USH1C: variants seen among roughly 807,000 people sequenced by gnomAD.
USH1C encodes harmonin.
A neutral mutation model predicts 119.3 loss-of-function variants in USH1C; 90 were observed. That is an observed-to-expected ratio of 0.75 (90% CI 0.64 to 0.90). The LOEUF is 0.90. Ranked by LOEUF, USH1C falls within the 40% of genes least tolerant of loss-of-function variation. The pLI is 0.00. For synonymous variants in USH1C, 465 were observed against 443.3 expected (o/e 1.05, Z -0.62); for missense variants, 1,165 against 1,167.7 (o/e 1.00, Z 0.03).
At chr11:17,529,715 T>G (rs773838051) in intron 4 of USH1C, among the ~76,000 whole-genome samples, 42 of 152,320 alleles carry the variant, frequency 2.8e-4, no homozygotes, top group Non-Finnish European at 5.0e-4. Flanking sequence ...AAGGGCCCTT[T>G]GTGCAAGGGC....
chr11:17,523,483 T>C lies in USH1C; in HGVS notation c.760-5A>G. 1 of 1,613,968 alleles carries C rather than the reference T, an allele frequency of 6.2e-7. No individual in the cohort carries two copies. The highest frequency in any genetic ancestry group is 8.5e-7 in the Non-Finnish European group (1 of 1,179,930). On this transcript the variant is annotated splice_polypyrimidine_tract_variant and splice_region_variant and intron_variant, in intron 9 of 26. Transcript: ENST00000005226. ...TTCGACAATCTGGTCCCCTATCTGG[T>C]GGGGAAATGGAGAAAGATTAGTGTG...
At chr11:17,504,402 T>A (rs919243990) in intron 20 of USH1C, among the ~76,000 whole-genome samples, 8 of 152,154 alleles carry the variant, frequency 5.3e-5, no homozygotes, top group Non-Finnish European at 1.2e-4. Context: ...AGAGGTGAGT[T>A]CCCAGGGATA....
chr11:17,505,857 G>A lies in USH1C; in HGVS notation c.2106C>T (p.Tyr702=), dbSNP rs1201079355. The A allele has an allele frequency of 6.2e-7, 1 of 1,614,180 alleles. No individual in the cohort carries two copies. The highest frequency in any genetic ancestry group is 8.5e-7 in the Non-Finnish European group (1 of 1,180,014). The change falls in exon 19 of 27, where the codon TAC becomes TAT. Residue 702 remains tyrosine, a synonymous_variant. Transcript: ENST00000005226. The part of the protein sequence containing the change: ...VMVHQEPNFI[Y]RPAVKSEVLP... ...GAACTTCAGATTTCACAGCTGGCCTGTAGATGAAATTGGGCTCCTGGTGGA... is the reference window on the plus strand; with the variant it reads ...GAACTTCAGATTTCACAGCTGGCCTATAGATGAAATTGGGCTCCTGGTGGA...
chr11:17,526,691 C>T, intron 7 of USH1C, 62 bp downstream of exon 7: 1 of 1,556,210 alleles, frequency 6.4e-7, no homozygotes, highest in South Asian at 1.1e-5. Context: ...CCCTTCAGGA[C>T]CGGCCACCCC....
intron 20 of USH1C, among the ~76,000 whole-genome samples, 170 bp downstream of exon 20, chr11:17,504,477 T>A (rs1024300926): frequency 4.6e-5 from 7 of 151,992 alleles, no homozygotes; most frequent in African/African-American, 1.7e-4. Context: ...TATGATATCC[T>A]CCCCCACCCC....
Position 17,501,131 on chromosome 11 carries a change from G to A in USH1C, c.2300C>T (p.Ala767Val). 6.2e-7 allele frequency: 1 copy of A among 1,613,932 alleles called. No homozygotes were observed. The highest frequency in any genetic ancestry group is 8.5e-7 in the Non-Finnish European group (1 of 1,179,924). ...RIKKEGSLDL[A>V]LEGGVDSPIG... ...GGGGGAGTCCACACCGCCTTCCAGG[G>A]CCAGGTCTAAGGATCCCTCCTGGTT... Residue 767 changes from alanine (A) to valine (V), a missense_variant, in exon 23 of 27, where the codon GCC (alanine) becomes GTC (valine). Ala to Val is a moderately conservative substitution (Grantham distance 64). Transcript: ENST00000005226.
In USH1C at chr11:17,531,148, G is replaced by T; in HGVS notation, c.387+6C>A. On this transcript the variant is annotated splice_donor_region_variant and intron_variant, in intron 4 of 26. Coordinates refer to ENST00000005226, the MANE Select transcript of USH1C (RefSeq NM_153676.4). The surrounding 1 kb of genome is among the most constrained non-coding windows in gnomAD (Gnocchi z 4.2). ...GCTCCCCCTCCCCCGGACTCTGTTT[G>T]CTCACCTGGAGCCCGACGCTGTCTG... is the stretch of plus-strand genomic sequence containing the variant. The T allele has an allele frequency of 1.9e-6, 3 of 1,614,010 alleles. 1 individual carries two copies. The highest frequency in any genetic ancestry group is 3.3e-5 in the Admixed American group (2 of 60,022).
intron 1 of USH1C, among the ~76,000 whole-genome samples, chr11:17,543,688 C>A (rs76465298): frequency 6.6e-6 from 1 of 152,186 alleles, no homozygotes; most frequent in East Asian, 1.9e-4. Context: ...AGCCCAGCTC[C>A]GACGCCCTCA....
At chr11:17,523,603 C>T (rs1850526370) in intron 9 of USH1C, 125 bp from the exon 10 acceptor site, 1 of 897,616 alleles carries the variant, frequency 1.1e-6, no homozygotes, top group Admixed American at 2.0e-5. Flanking sequence ...ACCTCAGCTC[C>T]TCCTGATGAA....
At position 17,544,135 on chromosome 11, in the gene USH1C, CCCTCGGG is replaced by C. The variant is rs1851596825; in HGVS notation, c.36+130_36+136del. 16 of 1,136,000 alleles carry C rather than the reference CCCTCGGG, an allele frequency of 1.4e-5. No homozygotes were observed. The South Asian group carries it at 2.1e-4, about 15-fold the overall frequency. The allele number at this position is 1,136,000 out of a possible 1,614,324, so 70.4% of individuals were successfully genotyped here. ...GGGATCCCTGCTGCCAGCCAGACGACCCTCGGGTGTCCCAGCCCAACCAGAGCCATCA... is the reference window on the plus strand; with the variant it reads ...GGGATCCCTGCTGCCAGCCAGACGACTGTCCCAGCCCAACCAGAGCCATCA... On this transcript the variant is annotated intron_variant, in intron 1 of 26. Transcript: ENST00000005226.
intron 20 of USH1C, among the ~76,000 whole-genome samples, chr11:17,504,224 G>A (rs536025862): frequency 1.3e-5 from 2 of 152,298 alleles, no homozygotes; most frequent in Admixed American, 1.3e-4. Context: ...GTGTCAGGCA[G>A]GGTTGGTGAA....
At position 17,520,853 on chromosome 11, in the gene USH1C, C is replaced by T. The variant is rs760095021; in HGVS notation, c.1210+17G>A. 5.0e-5 allele frequency: 80 copies of T among 1,614,028 alleles called. No individual in the cohort carries two copies. Among genetic ancestry groups the T allele is most frequent in the East Asian group, 1.1e-4 (5 of 44,896 alleles). ...GACTAGTTCCCTTAGCCTCTCCCCT[C>T]GGCTCATGAAACTTACACTTTGGCT... On this transcript the variant is annotated intron_variant, in intron 14 of 26. Transcript: ENST00000005226.
At chr11:17,525,073 G>C (rs545536066) in intron 8 of USH1C, among the ~76,000 whole-genome samples, 2 of 152,208 alleles carry the variant, frequency 1.3e-5, no homozygotes, top group East Asian at 1.9e-4. Flanking sequence ...TGACATTTAC[G>C]GCAAGGATGG....
In USH1C at chr11:17,498,155, T is replaced by G. The variant is rs769134082; in HGVS notation, c.2490+7A>C. 1 of 1,613,314 alleles carries G rather than the reference T, an allele frequency of 6.2e-7. No individual in the cohort carries two copies. Among genetic ancestry groups the G allele is most frequent in the East Asian group, 2.2e-5 (1 of 44,860 alleles). On this transcript the variant is annotated splice_region_variant and intron_variant, in intron 24 of 26. Coordinates refer to ENST00000005226, the MANE Select transcript of USH1C (RefSeq NM_153676.4). Reference sequence around the variant, plus strand: ...GGGAGGAAAGGAGGGAGGGGCCTTATTCTTACCCCGCCCTGATTCCAGGCC... The same window carrying G: ...GGGAGGAAAGGAGGGAGGGGCCTTAGTCTTACCCCGCCCTGATTCCAGGCC...
At chr11:17,523,532 C>G in intron 9 of USH1C, 54 bp from the exon 10 acceptor site, 1 of 1,589,068 alleles carries the variant, frequency 6.3e-7, no homozygotes, top group South Asian at 1.1e-5. Context: ...TACACTCGCT[C>G]ATCTGCAGGA....
At chr11:17,498,791 A>G (rs1849333676) in intron 23 of USH1C, among the ~76,000 whole-genome samples, 1 of 152,144 alleles carries the variant, frequency 6.6e-6, no homozygotes, top group Non-Finnish European at 1.5e-5. Flanking sequence ...ACAGCATCCC[A>G]ATCTTTTCTT....
At chr11:17,498,922 C>A (rs917401324) in intron 23 of USH1C, among the ~76,000 whole-genome samples, 1 of 152,228 alleles carries the variant, frequency 6.6e-6, no homozygotes, top group Admixed American at 6.5e-5. Context: ...ATATCCCCAG[C>A]ACTTAACATA....
chr11:17,496,871 C>G, intron 24 of USH1C, 58 bp from the exon 25 acceptor site: 1 of 1,594,018 alleles, frequency 6.3e-7, no homozygotes, highest in South Asian at 1.1e-5. Flanking sequence ...GCATCTGCCC[C>G]GGCACTCCAT....
rs116996553 is a variant in USH1C at position 17,517,442 on chromosome 11, C to T, written c.1211-1152G>A. 5,232 of 1,595,680 alleles carry T rather than the reference C, an allele frequency of 3.3e-3. 128 individuals carry two copies. In the East Asian group the frequency reaches 0.07, roughly 21 times the overall value. On this transcript the variant is annotated intron_variant, in intron 14 of 26. Transcript: ENST00000005226. ...TCCGTGCCTCCATCCAGGTCATCTG[C>T]GGGCTCGAGCTCAGGTTCCACTCCC...
Sources: gnomAD v4.1 joint callset for allele counts (sites outside exome capture counted in the v4.1 genomes callset) on GRCh38, gnomAD v4.1.1 for gene constraint, Gnocchi (gnomAD v3.1) non-coding constraint, MANE v1.5 for transcripts, NCBI Gene and HGNC (gene_info 2026-07-23, HGNC 2026-07-21) for gene names.